The following PHIP variants were observed in gnomAD, a reference collection of about 807,000 sequenced individuals.
PHIP encodes PH-interacting protein.
PHIP carries 54 observed loss-of-function variants against 236.8 expected under a neutral mutation model. That is an observed-to-expected ratio of 0.23 (90% CI 0.18 to 0.29). PHIP has a LOEUF of 0.29. Ranked by LOEUF, PHIP falls within the 10% of genes least tolerant of loss-of-function variation. The probability of loss-of-function intolerance (pLI) is 1.00; values close to 1 mark genes in which losing one functional copy is unlikely to be tolerated. For synonymous variants in PHIP, 756 were observed against 718.9 expected (o/e 1.05, Z -0.83); for missense variants, 1,370 against 2,190.8 (o/e 0.63, Z 7.48).
rs547998730 is a variant in PHIP at position 78,957,807 on chromosome 6, TTAAGA to T, written c.3782+663_3782+667del. ...TTCATTATATGATTGCATAAAATCC[TTAAGA>T]TAAGGAAGGGAAAGTACTTCTGCCT... On this transcript the variant is annotated intron_variant, in intron 32 of 39. Coordinates refer to ENST00000275034, the MANE Select transcript of PHIP (RefSeq NM_017934.7). 1.2e-4 allele frequency: 18 copies of T among 152,082 alleles called. No individual in the cohort carries two copies. The South Asian group carries it at 1.4e-3, about 12-fold the overall frequency. The allele number at this position is 152,082 out of a possible 1,614,324, so 9.4% of individuals were successfully genotyped here. A position where few individuals can be genotyped will look rare whatever the true frequency, so the allele number is the denominator to read the frequency against.
chr6:79,077,902 G>T lies in PHIP; in HGVS notation c.52C>A (p.Leu18Ile). The T allele has an allele frequency of 1.3e-6, 2 of 1,593,140 alleles. No individual in the cohort carries two copies. The highest frequency in any genetic ancestry group is 1.4e-5 in the African/African-American group (1 of 74,014). Residue 18 changes from leucine (L) to isoleucine (I), a missense_variant, in exon 2 of 40, where the codon CTC (leucine) becomes ATC (isoleucine). Physicochemically the swap from Leu to Ile is conservative, Grantham distance 5. Around this residue, in one of 14 missense-constraint regions of PHIP, gnomAD observed 43 missense variants for 53.8 expected, o/e 0.80. Coordinates refer to ENST00000275034, the MANE Select transcript of PHIP (RefSeq NM_017934.7). The stretch of plus-strand genomic sequence containing the variant: ...CCATCTTCCAGGAACCGGGCGATGA[G>T]GAAGTAGAGCTCTGCGCGGGAGAGA... ...LSELRSELYF[L>I]IARFLEDGPC...
chr6:79,077,244 T>C (rs575058501), intron 4 of PHIP, among the ~76,000 whole-genome samples: 1 of 152,076 alleles, frequency 6.6e-6, no homozygotes, highest in African/African-American at 2.4e-5. Flanking sequence ...AAATAAATTG[T>C]CCGCAGCCCC....
chr6:78,950,871 G>T (rs1180863628), intron 35 of PHIP, among the ~76,000 whole-genome samples: 2 of 151,618 alleles, frequency 1.3e-5, no homozygotes, highest in South Asian at 4.2e-4. Flanking sequence ...ATTTCCTTTT[G>T]TTGGCTTACC....
At chr6:78,945,979 C>T in intron 38 of PHIP, 22 bp downstream of exon 38, 2 of 1,557,460 alleles carry the variant, frequency 1.3e-6, no homozygotes, top group Non-Finnish European at 1.8e-6. Context: ...ATATACATTT[C>T]AATTTAGAAA....
chr6:78,948,818 T>A (rs2063123), intron 35 of PHIP, among the ~76,000 whole-genome samples: 1 of 151,966 alleles, frequency 6.6e-6, no homozygotes, highest in Non-Finnish European at 1.5e-5. Flanking sequence ...AGTCCCTCAG[T>A]ATGCGACTAT....
Position 78,998,395 on chromosome 6 carries a change from T to C in PHIP, c.1880-4A>G, listed in dbSNP as rs1769764668. On this transcript the variant is annotated splice_polypyrimidine_tract_variant and splice_region_variant and intron_variant, in intron 17 of 39. Transcript: ENST00000275034. ...TGACTTAAAACTTGATTCAGTCCTA[T>C]ACAATACCACACAAAATATTACGAA... 2 of 1,612,194 alleles carry C rather than the reference T, an allele frequency of 1.2e-6. No homozygotes were observed. The highest frequency in any genetic ancestry group is 1.7e-5 in the Admixed American group (1 of 59,910).
chr6:78,941,353 T>G (rs752666413), intron 39 of PHIP, 23 bp from the exon 40 acceptor site: 2 of 1,569,248 alleles, frequency 1.3e-6, no homozygotes, highest in South Asian at 2.4e-5. Context: ...AACAGTACAC[T>G]TAATATATGG....
At position 79,066,670 on chromosome 6, in the gene PHIP, T is replaced by C. The variant is rs141507271; in HGVS notation, c.190-5852A>G. On this transcript the variant is annotated intron_variant, in intron 4 of 39. Coordinates refer to ENST00000275034, the MANE Select transcript of PHIP (RefSeq NM_017934.7). ...ACTAGCATAAAAGCATAAATTCCTATAGGTAAAAGGGAACACTTTAAAAAA... is the reference window on the plus strand; with the variant it reads ...ACTAGCATAAAAGCATAAATTCCTACAGGTAAAAGGGAACACTTTAAAAAA... Among the ~76,000 whole-genome samples the C allele has an allele frequency of 7.9e-4, 121 of 152,282 alleles. 1 individual carries two copies. In the South Asian group the frequency reaches 8.1e-3, roughly 10 times the overall value.
Position 78,935,698 on chromosome 6 carries a change from CT to C in PHIP, c.*4994del. The C allele has an allele frequency of 1.0e-6, 1 of 985,050 alleles. No individual in the cohort carries two copies. Among genetic ancestry groups the C allele is most frequent in the Non-Finnish European group, 1.2e-6 (1 of 829,632 alleles). The allele number at this position is 985,050 out of a possible 1,614,324, so 61.0% of individuals were successfully genotyped here. On this transcript the variant is annotated 3_prime_UTR_variant, in exon 40 of 40. Coordinates refer to ENST00000275034, the MANE Select transcript of PHIP (RefSeq NM_017934.7). ...TATCTTTTAACTGACAGTTTTCACA[CT>C]TTGCAAAACACACAGGGCACTGGAA...
chr6:79,056,613 T>C (rs1253630992), intron 6 of PHIP, among the ~76,000 whole-genome samples: 1 of 152,062 alleles, frequency 6.6e-6, no homozygotes, highest in Non-Finnish European at 1.5e-5. Flanking sequence ...TACTGGCAAT[T>C]AGCAAGCAGA....
chr6:78,974,561 C>A (rs1382376112), intron 24 of PHIP, among the ~76,000 whole-genome samples: 4 of 151,914 alleles, frequency 2.6e-5, no homozygotes, highest in African/African-American at 7.3e-5. Context: ...ACACAAAAAA[C>A]CCTTCAAAAA....
Position 79,077,343 on chromosome 6 carries a change from T to C in PHIP, c.189+105A>G, listed in dbSNP as rs958298591. ...ACCCTCCCCATGGCCTTTGGAGCTT[T>C]CACGTTCTAGGGCCAAGTTTTTGTC... is the stretch of plus-strand genomic sequence containing the variant. On this transcript the variant is annotated intron_variant, in intron 4 of 39. Transcript: ENST00000275034. The C allele has an allele frequency of 5.5e-6, 6 of 1,098,920 alleles. No individual in the cohort carries two copies. The East Asian group carries it at 1.4e-4, about 25-fold the overall frequency. 68.1% of individuals were successfully genotyped at this position (1,098,920 alleles called of 1,614,324 possible).
Position 78,995,354 on chromosome 6 carries a change from T to G in PHIP, c.2201+2060A>C, listed in dbSNP as rs555836931. On this transcript the variant is annotated intron_variant, in intron 19 of 39. Transcript: ENST00000275034. ...GTTCAGGTTTTTGTGTGAACATGAGTTTTCATTTCTTTAGGATAAATTCCC... is the reference window on the plus strand; with the variant it reads ...GTTCAGGTTTTTGTGTGAACATGAGGTTTCATTTCTTTAGGATAAATTCCC... Among the ~76,000 whole-genome samples the G allele has an allele frequency of 2.0e-5, 3 of 152,256 alleles. No individual in the cohort carries two copies. In the South Asian group the frequency reaches 6.2e-4, roughly 32 times the overall value.
chr6:79,074,939 T>C (rs1384036811), intron 4 of PHIP, among the ~76,000 whole-genome samples: 1 of 152,142 alleles, frequency 6.6e-6, no homozygotes, highest in African/African-American at 2.4e-5. Context: ...CGATGTGATA[T>C]ATGAGTTCTC....
intron 9 of PHIP, among the ~76,000 whole-genome samples, chr6:79,024,041 T>C (rs891284613): frequency 1.3e-5 from 2 of 152,198 alleles, no homozygotes; most frequent in Admixed American, 1.3e-4. Flanking sequence ...ACAGAAAGAC[T>C]TTAAATACGA....
intron 35 of PHIP, among the ~76,000 whole-genome samples, chr6:78,954,203 G>A (rs1326508189): frequency 6.6e-6 from 1 of 151,906 alleles, no homozygotes; most frequent in Admixed American, 6.5e-5. Flanking sequence ...CCGGGTTCAC[G>A]CCATTCTCCT....
intron 15 of PHIP, among the ~76,000 whole-genome samples, chr6:79,006,137 T>C (rs905280581): frequency 6.6e-6 from 1 of 152,022 alleles, no homozygotes; most frequent in African/African-American, 2.4e-5. Flanking sequence ...ATTATTTGGA[T>C]TAACCATTTG....
chr6:79,069,658 G>A (rs957031674), intron 4 of PHIP, among the ~76,000 whole-genome samples: 4 of 151,896 alleles, frequency 2.6e-5, no homozygotes, highest in African/African-American at 9.7e-5. Flanking sequence ...CCATCGACAC[G>A]TAGATTTGAT....
intron 39 of PHIP, 66 bp from the exon 40 acceptor site, chr6:78,941,396 C>T: frequency 9.1e-7 from 1 of 1,104,242 alleles, no homozygotes; most frequent in African/African-American, 1.6e-5. Flanking sequence ...TCAAACTTGT[C>T]AGTAAGGCCC....
Sources: gnomAD v4.1 joint callset for allele counts (sites outside exome capture counted in the v4.1 genomes callset) on GRCh38, gnomAD v4.1.1 for gene constraint, gnomAD v4.1.1 regional missense constraint, MANE v1.5 for transcripts, NCBI Gene and HGNC (gene_info 2026-07-23, HGNC 2026-07-21) for gene names.